The following CAMK1D variants were observed in gnomAD, a reference collection of about 807,000 sequenced individuals.
The protein encoded by CAMK1D is calcium/calmodulin-dependent protein kinase type 1D.
A neutral mutation model predicts 47.7 loss-of-function variants in CAMK1D; 9 were observed. That is an observed-to-expected ratio of 0.19 (90% CI 0.11 to 0.33). CAMK1D has a LOEUF of 0.33. Ranked by LOEUF, CAMK1D falls within the 10% of genes least tolerant of loss-of-function variation. The pLI is 1.00. For missense variants in CAMK1D, 291 were observed against 488.7 expected (o/e 0.60, Z 3.81); for synonymous variants, 184 against 184.9 (o/e 0.99, Z 0.04).
intron 3 of CAMK1D, among the ~76,000 whole-genome samples, chr10:12,679,425 C>T (rs1002337532): frequency 1.7e-4 from 26 of 152,052 alleles, no homozygotes; most frequent in African/African-American, 1.2e-4. Context: ...TAAAAAAATA[C>T]GGATAGTATC....
At chr10:12,374,218 C>T (rs1237308156) in intron 1 of CAMK1D, among the ~76,000 whole-genome samples, 1 of 139,880 alleles carries the variant, frequency 7.1e-6, no homozygotes, top group African/African-American at 2.7e-5. Context: ...CAAGATTGCA[C>T]CACTGCACTC....
chr10:12,754,014 C>A (rs10906217), intron 3 of CAMK1D, among the ~76,000 whole-genome samples: 24,084 of 152,118 alleles, frequency 0.16, 2,133 homozygotes, highest in African/African-American at 0.23. Flanking sequence ...CCTCAGCCTC[C>A]CGAGTAGCTG....
chr10:12,394,976 C>G (rs960243789), intron 1 of CAMK1D, among the ~76,000 whole-genome samples: 8 of 151,914 alleles, frequency 5.3e-5, no homozygotes, highest in Non-Finnish European at 8.8e-5. Context: ...TCACCCATCT[C>G]AGCATGGTGT....
At chr10:12,705,344 C>T (rs1310815966) in intron 3 of CAMK1D, among the ~76,000 whole-genome samples, 1 of 151,864 alleles carries the variant, frequency 6.6e-6, no homozygotes, top group African/African-American at 2.4e-5. Context: ...TCCTGTAATC[C>T]CAGCTACTCA....
intron 5 of CAMK1D, 140 bp from the exon 6 acceptor site, chr10:12,791,018 C>A: frequency 3.0e-6 from 2 of 662,382 alleles, no homozygotes; most frequent in East Asian, 2.7e-5. Context: ...AAAAAAAAGC[C>A]AACACATAAA....
At chr10:12,751,312 T>C (rs1835973367) in intron 3 of CAMK1D, among the ~76,000 whole-genome samples, 1 of 152,038 alleles carries the variant, frequency 6.6e-6, no homozygotes, top group Non-Finnish European at 1.5e-5. Context: ...CTGGAGTGAG[T>C]GGCATGATCA....
At chr10:12,454,670 C>T (rs983734003) in intron 1 of CAMK1D, among the ~76,000 whole-genome samples, 3 of 151,482 alleles carry the variant, frequency 2.0e-5, no homozygotes, top group African/African-American at 7.3e-5. Context: ...GCTGTGTTCC[C>T]CAGGCTGGTC....
chr10:12,579,211 C>T (rs768927477), intron 2 of CAMK1D, among the ~76,000 whole-genome samples: 2 of 152,186 alleles, frequency 1.3e-5, no homozygotes, highest in Non-Finnish European at 2.9e-5. Context: ...GTGGCTGATG[C>T]AGGATGAGGG....
At chr10:12,727,420 A>G (rs1192710848) in intron 3 of CAMK1D, among the ~76,000 whole-genome samples, 1 of 152,202 alleles carries the variant, frequency 6.6e-6, no homozygotes, top group Non-Finnish European at 1.5e-5. Context: ...ATAGCATGTG[A>G]CTGCCTAAGG....
intron 9 of CAMK1D, 45 bp downstream of exon 9, chr10:12,824,597 T>C (rs889020807): frequency 6.9e-7 from 1 of 1,446,988 alleles, no homozygotes; most frequent in Admixed American, 1.7e-5. Flanking sequence ...AACCCCCTCG[T>C]GACACTGGCC....
rs79777058 is a variant in CAMK1D, at chr10:12,786,386, A to C, written c.566-4772A>C. 8.3e-3 allele frequency among the ~76,000 whole-genome samples: 1,268 copies of C among 152,362 alleles called. 8 individuals are homozygous for C. The highest frequency in any genetic ancestry group is 0.034 in the Middle Eastern group (10 of 294). On this transcript the variant is annotated intron_variant, in intron 5 of 10. Transcript: ENST00000619168. ...ATAACACAGATAAGACACAACACCA[A>C]AAAGTGCAAGAAATGTACATTCTTG...
intron 2 of CAMK1D, among the ~76,000 whole-genome samples, chr10:12,613,140 C>T (rs756682813): frequency 2.0e-4 from 31 of 152,296 alleles, no homozygotes; most frequent in Non-Finnish European, 4.0e-4. Flanking sequence ...TTTATAGCAT[C>T]CTTAAGCTCT....
chr10:12,465,877 C>G (rs915567276), intron 1 of CAMK1D, among the ~76,000 whole-genome samples: 3 of 152,190 alleles, frequency 2.0e-5, no homozygotes, highest in African/African-American at 4.8e-5. Context: ...CATACTCTCT[C>G]TTTCTCTTTA....
chr10:12,770,500 A>C (rs1836990304), intron 5 of CAMK1D, among the ~76,000 whole-genome samples: 2 of 152,190 alleles, frequency 1.3e-5, no homozygotes, highest in Non-Finnish European at 2.9e-5. Flanking sequence ...TCATTCAGCA[A>C]ATGTATGTAA....
chr10:12,591,666 C>A (rs1588668218), intron 2 of CAMK1D, among the ~76,000 whole-genome samples: 1 of 152,216 alleles, frequency 6.6e-6, no homozygotes, highest in Non-Finnish European at 1.5e-5. Context: ...TTCACGTAGG[C>A]AGCTCTAAAT....
At chr10:12,439,207 C>G (rs778629445) in intron 1 of CAMK1D, among the ~76,000 whole-genome samples, 1 of 152,136 alleles carries the variant, frequency 6.6e-6, no homozygotes, top group Non-Finnish European at 1.5e-5. Flanking sequence ...TTTCATAACT[C>G]ATATTCGAAG....
intron 2 of CAMK1D, among the ~76,000 whole-genome samples, chr10:12,554,042 C>T (rs1280324466): frequency 6.6e-6 from 1 of 152,046 alleles, no homozygotes; most frequent in South Asian, 2.1e-4. Flanking sequence ...TGCTTACCTC[C>T]TCATTGAGTT....
chr10:12,651,377 C>T (rs978915687), intron 2 of CAMK1D, among the ~76,000 whole-genome samples: 4 of 152,204 alleles, frequency 2.6e-5, no homozygotes, highest in African/African-American at 9.6e-5. Context: ...CTGATTTTAA[C>T]ACAACTTTTA....
chr10:12,372,478 G>T (rs1346999780), intron 1 of CAMK1D, among the ~76,000 whole-genome samples: 2 of 152,232 alleles, frequency 1.3e-5, no homozygotes, highest in African/African-American at 4.8e-5. Context: ...CCTTGCCCTG[G>T]TTGGTCAGTT....
Sources: gnomAD v4.1 joint callset for allele counts (sites outside exome capture counted in the v4.1 genomes callset) on GRCh38, gnomAD v4.1.1 for gene constraint, MANE v1.5 for transcripts, NCBI Gene and HGNC (gene_info 2026-07-23, HGNC 2026-07-21) for gene names.